Variants in COL4A1 observed in about 807,000 individuals in gnomAD.
COL4A1 encodes the protein collagen type IV alpha 1 chain.
In COL4A1, 40 loss-of-function variants were observed where a neutral mutation model predicts 216.6. The observed-to-expected ratio is 0.18, with a 90% confidence interval of 0.14 to 0.24. The LOEUF (loss-of-function observed/expected upper bound fraction) is 0.24, where lower values mean the gene tolerates loss of function less well. Among genes scored for constraint, COL4A1 ranks in the 10% least tolerant of loss-of-function variants. COL4A1 has a pLI of 1.00. For missense variants in COL4A1, 1,628 were observed against 2,196.8 expected (o/e 0.74, Z 5.18); for synonymous variants, 839 against 810.7 (o/e 1.03, Z -0.59).
intron 23 of COL4A1, 38 bp downstream of exon 23, chr13:110,192,792 C>A: frequency 6.3e-7 from 1 of 1,585,418 alleles, no homozygotes; most frequent in Non-Finnish European, 8.7e-7. Context: ...CACACCAAAG[C>A]AAACTCTGAC....
chr13:110,216,284 G>A (rs932468153), intron 2 of COL4A1, among the ~76,000 whole-genome samples: 4 of 152,158 alleles, frequency 2.6e-5, no homozygotes, highest in Non-Finnish European at 5.9e-5. Flanking sequence ...TGCAGTGATG[G>A]CCCCAGGACA....
At chr13:110,209,371 A>G in intron 11 of COL4A1, 21 bp downstream of exon 11, 2 of 1,611,008 alleles carry the variant, frequency 1.2e-6, no homozygotes, top group African/African-American at 1.3e-5. Flanking sequence ...CCAAAGAACA[A>G]AAAATGAAAA....
intron 4 of COL4A1, among the ~76,000 whole-genome samples, chr13:110,213,249 G>A (rs780844863): frequency 6.7e-6 from 1 of 148,260 alleles, no homozygotes; most frequent in Non-Finnish European, 1.5e-5. Context: ...AACACCACCT[G>A]TACCAAAAAA....
intron 1 of COL4A1, among the ~76,000 whole-genome samples, chr13:110,253,948 A>T (rs1882396542): frequency 6.6e-6 from 1 of 151,974 alleles, no homozygotes; most frequent in Non-Finnish European, 1.5e-5. Context: ...TTGTAAAAGA[A>T]ATGCGCTACA....
chr13:110,183,427 T>G, intron 26 of COL4A1, 151 bp from the exon 27 acceptor site: 1 of 753,988 alleles, frequency 1.3e-6, no homozygotes. Flanking sequence ...TCTCCACTTC[T>G]TCCCTTGGTG....
At chr13:110,281,531 T>A (rs1011300410) in intron 1 of COL4A1, among the ~76,000 whole-genome samples, 1 of 151,638 alleles carries the variant, frequency 6.6e-6, no homozygotes, top group African/African-American at 2.4e-5. Context: ...AGAAAATGTT[T>A]AAAAAAAACA....
chr13:110,301,692 G>A (rs1168063202), intron 1 of COL4A1, among the ~76,000 whole-genome samples: 1 of 152,350 alleles, frequency 6.6e-6, no homozygotes, highest in African/African-American at 2.4e-5. Flanking sequence ...AGTGGAATGC[G>A]TGCTAGCCGA....
At chr13:110,240,216 A>T (rs1485274721) in intron 2 of COL4A1, among the ~76,000 whole-genome samples, 1 of 148,546 alleles carries the variant, frequency 6.7e-6, no homozygotes, top group African/African-American at 2.6e-5. Context: ...ATTAAAAAAA[A>T]TTAAAAAAAA....
chr13:110,203,454 T>C (rs1879335942), intron 18 of COL4A1, 112 bp downstream of exon 18: 1 of 1,195,590 alleles, frequency 8.4e-7, no homozygotes, highest in Non-Finnish European at 1.2e-6. Context: ...CTCCCAGCGC[T>C]CTCACAGACC....
chr13:110,200,167 G>A (rs755114769), intron 20 of COL4A1, among the ~76,000 whole-genome samples: 3 of 152,258 alleles, frequency 2.0e-5, no homozygotes, highest in East Asian at 1.9e-4. Context: ...GCACGTGAGC[G>A]TTTCCATCAG....
At chr13:110,264,472 G>T (rs903354) in intron 1 of COL4A1, among the ~76,000 whole-genome samples, 33,392 of 151,926 alleles carry the variant, frequency 0.22, 3,865 homozygotes, top group Admixed American at 0.28. Context: ...ACAGAGGGAG[G>T]ACGGTAGAAA....
At chr13:110,219,198 C>A (rs1383243762) in intron 2 of COL4A1, among the ~76,000 whole-genome samples, 1 of 152,142 alleles carries the variant, frequency 6.6e-6, no homozygotes, top group African/African-American at 2.4e-5. Context: ...GGGACAGATG[C>A]AAGGAGATCC....
chr13:110,241,716 A>C (rs1250276484), intron 2 of COL4A1, among the ~76,000 whole-genome samples: 1 of 152,228 alleles, frequency 6.6e-6, no homozygotes, highest in Non-Finnish European at 1.5e-5. Flanking sequence ...TTAAAATAAT[A>C]ATGTTGGCAT....
At chr13:110,256,690 G>A (rs1015376644) in intron 1 of COL4A1, among the ~76,000 whole-genome samples, 1 of 152,130 alleles carries the variant, frequency 6.6e-6, no homozygotes, top group African/African-American at 2.4e-5. Flanking sequence ...ATGGGGTGAG[G>A]GGTTTGCATC....
chr13:110,176,537 T>G (rs1359936541), intron 35 of COL4A1, 24 bp from the exon 36 acceptor site: 1 of 1,601,096 alleles, frequency 6.2e-7, no homozygotes, highest in Non-Finnish European at 8.6e-7. Flanking sequence ...GAAAGCAGTC[T>G]GACAGGTTGA....
chr13:110,284,857 A>G (rs1442971241), intron 1 of COL4A1, among the ~76,000 whole-genome samples: 3 of 152,238 alleles, frequency 2.0e-5, no homozygotes, highest in African/African-American at 7.2e-5. Context: ...TTTCATCTCC[A>G]AGAGAAATGA....
In COL4A1 at chr13:110,207,403, C is replaced by T. The variant is rs1879568014; in HGVS notation, c.780G>A (p.Lys260=). Residue 260 remains lysine, a splice_region_variant and synonymous_variant, in exon 13 of 52, where the codon AAG becomes AAA. Transcript: ENST00000375820. The surrounding 1 kb of genome is among the most constrained non-coding windows in gnomAD (Gnocchi z 4.4). ...ATTCACTGATGAAGCCCACTCATAC[C>T]TTTTCTCCCTTGGTGGCGAAGTCTC... ...EKGDFATKGE[K]GQKGEPGFQG... 2 of 1,613,116 alleles carry T rather than the reference C, an allele frequency of 1.2e-6. No homozygotes were observed. The highest frequency in any genetic ancestry group is 1.7e-6 in the Non-Finnish European group (2 of 1,179,134).
chr13:110,228,288 CAT>C (rs1315638054), intron 2 of COL4A1, among the ~76,000 whole-genome samples: 4 of 151,644 alleles, frequency 2.6e-5, no homozygotes, highest in Non-Finnish European at 4.4e-5. Flanking sequence ...TGGAAAAGAA[CAT>C]GTGTGTTCTT....
At chr13:110,305,823 T>C (rs1884675523) in intron 1 of COL4A1, 1 of 152,236 alleles carries the variant, frequency 6.6e-6, no homozygotes, top group Admixed American at 6.5e-5. Flanking sequence ...GTTAACAATT[T>C]CTATACAGTT....
Sources: allele counts gnomAD v4.1 joint callset (sites outside exome capture counted in the v4.1 genomes callset), GRCh38; gene constraint gnomAD v4.1.1; non-coding constraint Gnocchi (gnomAD v3.1); transcripts MANE v1.5; gene names NCBI Gene and HGNC (gene_info 2026-07-23, HGNC 2026-07-21).